The following GMPS variants were observed in gnomAD, a reference collection of about 807,000 sequenced individuals.
GMPS encodes the protein GMP synthase [glutamine-hydrolyzing].
Under a neutral mutation model 77.9 loss-of-function variants are expected in GMPS, and 15 were observed. That is an observed-to-expected ratio of 0.19 (90% CI 0.13 to 0.30). The LOEUF is 0.30. GMPS is among the 10% of genes least tolerant of loss of function. The probability of loss-of-function intolerance (pLI) is 1.00; values close to 1 mark genes in which losing one functional copy is unlikely to be tolerated. For missense variants in GMPS, 590 were observed against 838.8 expected (o/e 0.70, Z 3.66); for synonymous variants, 224 against 275.9 (o/e 0.81, Z 1.86).
At position 155,936,343 on chromosome 3, in the gene GMPS, G is replaced by T; in HGVS notation, c.1813G>T (p.Ala605Ser). 2 of 1,605,172 alleles carry T rather than the reference G, an allele frequency of 1.2e-6. No individual in the cohort carries two copies. Among genetic ancestry groups the T allele is most frequent in the African/African-American group, 1.3e-5 (1 of 74,834 alleles). ...AHNILRESGY[A>S]GKISQMPVIL... ...CTACATATACCTTTCTCTAGGGTAT[G>T]CTGGGAAAATCAGCCAGATGCCGGT... The change falls in exon 15 of 16, where the codon GCT (alanine) becomes TCT (serine). Residue 605 changes from alanine to serine, a missense_variant. Physicochemically the swap from Ala to Ser is moderately conservative, Grantham distance 99 (BLOSUM62 1). Coordinates refer to ENST00000496455, the MANE Select transcript of GMPS (RefSeq NM_003875.3).
intron 14 of GMPS, 118 bp from the exon 15 acceptor site, chr3:155,936,220 C>G (rs928793790): frequency 2.3e-5 from 15 of 658,676 alleles, no homozygotes; most frequent in African/African-American, 3.6e-5. Context: ...TGATGACAGT[C>G]TTAACTACGC....
intron 13 of GMPS, 96 bp downstream of exon 13, chr3:155,931,976 A>G (rs913342735): frequency 1.1e-5 from 7 of 633,328 alleles, no homozygotes; most frequent in African/African-American, 1.1e-4. Context: ...GCTCAAATGT[A>G]GATATAGGTA....
In GMPS at chr3:155,943,906, T is replaced by C. The variant is rs1755951534; in HGVS notation, c.*6214T>C. 6.6e-6 allele frequency: 1 copy of C among 152,408 alleles called. No homozygotes were observed. Among genetic ancestry groups the C allele is most frequent in the Non-Finnish European group, 1.5e-5 (1 of 68,180 alleles). The allele number at this position is 152,408 out of a possible 1,614,324, so 9.4% of individuals were successfully genotyped here. ...TATATAGTAGGGGTTAACATTTTGC[T>C]CAATGTTAACGGGGGACATAATGGA... On this transcript the variant is annotated 3_prime_UTR_variant, in exon 16 of 16. Coordinates refer to ENST00000496455, the MANE Select transcript of GMPS (RefSeq NM_003875.3).
At chr3:155,928,637 T>C (rs1247700250) in intron 12 of GMPS, among the ~76,000 whole-genome samples, 1 of 150,046 alleles carries the variant, frequency 6.7e-6, no homozygotes, top group South Asian at 2.1e-4. Flanking sequence ...CCGCACCCAC[T>C]AACTCGTCAT....
At position 155,938,082 on chromosome 3, in the gene GMPS, GTTAC is replaced by G; in HGVS notation, c.*396_*399del. 1 of 238,884 alleles carries G rather than the reference GTTAC, an allele frequency of 4.2e-6. No individual in the cohort carries two copies. The highest frequency in any genetic ancestry group is 8.2e-6 in the Non-Finnish European group (1 of 121,782). The allele number at this position is 238,884 out of a possible 1,614,324, so 14.8% of individuals were successfully genotyped here. A position where few individuals can be genotyped will look rare whatever the true frequency, so the allele number is the denominator to read the frequency against. On this transcript the variant is annotated 3_prime_UTR_variant, in exon 16 of 16. Transcript: ENST00000496455. ...TTAGAAACGCCCATTATTTACCAGT[GTTAC>G]TTACTACTTATATATACTTTTTGGA...
intron 12 of GMPS, among the ~76,000 whole-genome samples, chr3:155,928,681 C>G (rs1166147122): frequency 9.8e-6 from 1 of 101,570 alleles, no homozygotes; most frequent in African/African-American, 3.8e-5. Flanking sequence ...TGCTATCCCT[C>G]CCCCCTCCCC....
At chr3:155,889,542 C>T (rs1462153988) in intron 1 of GMPS, among the ~76,000 whole-genome samples, 4 of 152,166 alleles carry the variant, frequency 2.6e-5, no homozygotes, top group Admixed American at 1.3e-4. Flanking sequence ...TTGCTTCCCA[C>T]GTAGGTGCTG....
Position 155,922,198 on chromosome 3 carries a change from G to T in GMPS, c.1330G>T (p.Ala444Ser), listed in dbSNP as rs981701899. ...SRHPFPGPGLAIRVICAEEPY... is the reference protein window; with the variant it reads ...SRHPFPGPGLSIRVICAEEPY... ...ACTCCTACCTTTAGGTCCTGGCCTG[G>T]CAATCAGAGTAATATGTGCTGAAGA... The change falls in exon 11 of 16, where the codon GCA becomes TCA. Residue 444 changes from alanine to serine, a missense_variant. By Grantham distance (99) the Ala-to-Ser change is moderately conservative. Around this residue, in one of 6 missense-constraint regions of GMPS, gnomAD observed 64 missense variants for 114.5 expected, o/e 0.56. Coordinates refer to ENST00000496455, the MANE Select transcript of GMPS (RefSeq NM_003875.3). 2.7e-6 allele frequency: 4 copies of T among 1,483,848 alleles called. No individual in the cohort carries two copies. In the African/African-American group the frequency reaches 4.2e-5, roughly 16 times the overall value. The allele number at this position is 1,483,848 out of a possible 1,614,324, so 91.9% of individuals were successfully genotyped here. A position where few individuals can be genotyped will look rare whatever the true frequency, so the allele number is the denominator to read the frequency against.
chr3:155,905,253 G>A (rs368952290), intron 4 of GMPS, among the ~76,000 whole-genome samples: 54 of 152,010 alleles, frequency 3.6e-4, no homozygotes, highest in African/African-American at 1.2e-3. Flanking sequence ...GATCTGCCTC[G>A]GCCTCCGAAA....
chr3:155,913,500 G>T lies in GMPS; in HGVS notation c.887-919G>T, dbSNP rs559175896. 2.6e-3 allele frequency among the ~76,000 whole-genome samples: 397 copies of T among 150,140 alleles called. 3 individuals carry two copies. The highest frequency in any genetic ancestry group is 9.3e-3 in the African/African-American group (382 of 41,114). On this transcript the variant is annotated intron_variant, in intron 7 of 15. Transcript: ENST00000496455. ...CTTGTTGCTCTGGTGAAGCACTGAAGAGAGGGAAAACAATCAGCATAAATT... is the reference window on the plus strand; with the variant it reads ...CTTGTTGCTCTGGTGAAGCACTGAATAGAGGGAAAACAATCAGCATAAATT...
Position 155,925,747 on chromosome 3 carries a change from G to A in GMPS, c.1560+381G>A, listed in dbSNP as rs182623078. On this transcript the variant is annotated intron_variant, in intron 12 of 15. Coordinates refer to ENST00000496455, the MANE Select transcript of GMPS (RefSeq NM_003875.3). ...TGGCATGCTTACTTCTGCCTTGTAGGGCAGGGATCAAGAGGTCATTTATCC... is the reference window on the plus strand; with the variant it reads ...TGGCATGCTTACTTCTGCCTTGTAGAGCAGGGATCAAGAGGTCATTTATCC... Among the ~76,000 whole-genome samples, 260 of 152,152 alleles carry A rather than the reference G, an allele frequency of 1.7e-3. 1 individual carries two copies. The highest frequency in any genetic ancestry group is 0.01 in the Middle Eastern group (3 of 294).
rs1041080027 is a variant in GMPS, at chr3:155,937,987, A to G, written c.*295A>G. ...AAATTCACTGTTGATGTCTCTGTGA[A>G]TATGTATGAAGGTGGGTGAATTTGG... On this transcript the variant is annotated 3_prime_UTR_variant, in exon 16 of 16. Transcript: ENST00000496455. 1.7e-5 allele frequency: 5 copies of G among 298,174 alleles called. No individual in the cohort carries two copies. The highest frequency in any genetic ancestry group is 2.5e-5 in the Non-Finnish European group (4 of 160,134). 18.5% of individuals were successfully genotyped at this position (298,174 alleles called of 1,614,324 possible).
chr3:155,920,312 T>G (rs1577527635), intron 10 of GMPS, among the ~76,000 whole-genome samples: 1 of 152,130 alleles, frequency 6.6e-6, no homozygotes, highest in African/African-American at 2.4e-5. Flanking sequence ...TGTTCTCAAA[T>G]CAAGTAATCA....
chr3:155,917,265 A>G (rs995881265), intron 9 of GMPS, among the ~76,000 whole-genome samples: 2 of 152,228 alleles, frequency 1.3e-5, no homozygotes, highest in African/African-American at 4.8e-5. Flanking sequence ...GAGCCACTGC[A>G]TCCAGCCTCA....
intron 1 of GMPS, among the ~76,000 whole-genome samples, chr3:155,876,720 T>A (rs1165154856): frequency 6.6e-6 from 1 of 152,220 alleles, no homozygotes; most frequent in East Asian, 1.9e-4. Context: ...CCCAGTGATG[T>A]GTATTTAAAA....
In GMPS at chr3:155,939,123, T is replaced by C. The variant is rs1029893917; in HGVS notation, c.*1431T>C. On this transcript the variant is annotated 3_prime_UTR_variant, in exon 16 of 16. Transcript: ENST00000496455. ...CTGCTGGACCAGCAAGGGAAGAGTT[T>C]CTGTCTGTCTTAACAGAAATCTGTC... The C allele has an allele frequency of 4.6e-6, 1 of 218,926 alleles. No homozygotes were observed. The highest frequency in any genetic ancestry group is 2.2e-5 in the African/African-American group (1 of 44,564). 13.6% of individuals were successfully genotyped at this position (218,926 alleles called of 1,614,324 possible). A position where few individuals can be genotyped will look rare whatever the true frequency, so the allele number is the denominator to read the frequency against.
rs1480644649 is a variant in GMPS at position 155,935,108 on chromosome 3, A to G, written c.1807+62A>G. 3.5e-6 allele frequency: 4 copies of G among 1,133,254 alleles called. No homozygotes were observed. In the Admixed American group the frequency reaches 7.2e-5, roughly 20 times the overall value. The allele number at this position is 1,133,254 out of a possible 1,614,324, so 70.2% of individuals were successfully genotyped here. A position where few individuals can be genotyped will look rare whatever the true frequency, so the allele number is the denominator to read the frequency against. ...ACTAGTTTTTGGAAGCTTGATATTA[A>G]GAGTAGGAGGATGTGGCTTTTGCTT... On this transcript the variant is annotated intron_variant, in intron 14 of 15. Coordinates refer to ENST00000496455, the MANE Select transcript of GMPS (RefSeq NM_003875.3).
chr3:155,882,337 A>G (rs1255876043), intron 1 of GMPS, among the ~76,000 whole-genome samples: 1 of 152,224 alleles, frequency 6.6e-6, no homozygotes, highest in Non-Finnish European at 1.5e-5. Flanking sequence ...TCAGGTCCCT[A>G]TCCAGTTCAG....
At chr3:155,884,250 G>A (rs1157424865) in intron 1 of GMPS, among the ~76,000 whole-genome samples, 1 of 151,726 alleles carries the variant, frequency 6.6e-6, no homozygotes, top group East Asian at 1.9e-4. Context: ...GCTGGGCATG[G>A]TGGTGCACTC....
Sources: gnomAD v4.1 joint callset for allele counts (sites outside exome capture counted in the v4.1 genomes callset) on GRCh38, gnomAD v4.1.1 for gene constraint, gnomAD v4.1.1 regional missense constraint, MANE v1.5 for transcripts, NCBI Gene and HGNC (gene_info 2026-07-23, HGNC 2026-07-21) for gene names.